MICAL2: variants seen among roughly 807,000 people sequenced by gnomAD.
MICAL2 encodes microtubule associated monooxygenase, calponin and LIM domain containing 2, also known as [F-actin]-monooxygenase MICAL2.
In MICAL2, 77 loss-of-function variants were observed where a neutral mutation model predicts 127.3. The observed-to-expected ratio is 0.60, with a 90% CI of 0.50 to 0.73. The LOEUF is 0.73. Among genes scored for constraint, MICAL2 ranks in the 30% least tolerant of loss-of-function variants. MICAL2 has a pLI of 0.00. For synonymous variants in MICAL2, 570 were observed against 551.1 expected (o/e 1.03, Z -0.48); for missense variants, 1,351 against 1,434.4 (o/e 0.94, Z 0.94).
At chr11:12,195,753 AG>A (rs1170331814) in intron 3 of MICAL2, among the ~76,000 whole-genome samples, 1 of 148,786 alleles carries the variant, frequency 6.7e-6, no homozygotes, top group Non-Finnish European at 1.5e-5. Context: ...ATATTTTTAG[AG>A]GAAGAGTGTT....
chr11:12,340,136 C>T (rs1474093713), intron 32 of MICAL2, among the ~76,000 whole-genome samples: 1 of 152,130 alleles, frequency 6.6e-6, no homozygotes, highest in African/African-American at 2.4e-5. Context: ...AGACGGTCAA[C>T]TGTGTTTGCA....
chr11:12,268,978 G>A lies in MICAL2; in HGVS notation c.3335-7008G>A, dbSNP rs1490564484. Among the ~76,000 whole-genome samples, 8 of 152,166 alleles carry A rather than the reference G, an allele frequency of 5.3e-5. 1 individual carries two copies. The East Asian group carries it at 9.7e-4, about 18-fold the overall frequency. On this transcript the variant is annotated intron_variant, in intron 24 of 34. Coordinates refer to the MICAL2 transcript ENST00000646065. ...TGTGCCACTGCACTCCAGCCTCGGC[G>A]ACGAGCGAGACTCCGTCTCAAAGGA...
At chr11:12,228,539 G>T (rs940558994) in intron 15 of MICAL2, among the ~76,000 whole-genome samples, 1 of 152,214 alleles carries the variant, frequency 6.6e-6, no homozygotes, top group African/African-American at 2.4e-5. Context: ...GAAGATAGAT[G>T]CTGGGAAGAT....
At chr11:12,334,887 A>G (rs951100326) in intron 32 of MICAL2, among the ~76,000 whole-genome samples, 2 of 151,990 alleles carry the variant, frequency 1.3e-5, no homozygotes, top group African/African-American at 4.8e-5. Context: ...AGTCTTGGCT[A>G]TTGTGAATAG....
At chr11:12,190,125 G>A (rs1015912761) in intron 3 of MICAL2, among the ~76,000 whole-genome samples, 1 of 152,212 alleles carries the variant, frequency 6.6e-6, no homozygotes, top group Admixed American at 6.5e-5. Context: ...GCAGCTGCAA[G>A]TTGACTCAAA....
At position 12,311,551 on chromosome 11, in the gene MICAL2, C is replaced by T. The variant is rs540655877; in HGVS notation, c.5213-8145C>T. Among the ~76,000 whole-genome samples the T allele has an allele frequency of 1.2e-4, 19 of 152,206 alleles. No individual in the cohort carries two copies. In the East Asian group the frequency reaches 2.5e-3, roughly 20 times the overall value. On this transcript the variant is annotated intron_variant, in intron 29 of 34. Coordinates refer to the MICAL2 transcript ENST00000646065. ...CTTAGCCTCCAGAGTAGCTGGCACA[C>T]GCCACCACACCGGCTAATTTTTGTA... is the stretch of plus-strand genomic sequence containing the variant.
Position 12,331,109 on chromosome 11 carries a change from AG to A in MICAL2, c.5515+3845del, listed in dbSNP as rs1295536250. 3.3e-5 allele frequency among the ~76,000 whole-genome samples: 5 copies of A among 152,178 alleles called. No homozygotes were observed. In the East Asian group the frequency reaches 9.7e-4, roughly 29 times the overall value. ...CAGCCACTTAGACTCTTATTGGTTGAGGCACTGTTACCTACTGGCTTGTTGC... is the reference window on the plus strand; with the variant it reads ...CAGCCACTTAGACTCTTATTGGTTGAGCACTGTTACCTACTGGCTTGTTGC... On this transcript the variant is annotated intron_variant, in intron 32 of 34. Coordinates refer to the MICAL2 transcript ENST00000646065.
chr11:12,155,106 C>T (rs1406478064), intron 2 of MICAL2, among the ~76,000 whole-genome samples: 1 of 152,200 alleles, frequency 6.6e-6, no homozygotes, highest in Non-Finnish European at 1.5e-5. Context: ...AAGCTGAGGG[C>T]TGGGCTTGAA....
chr11:12,314,388 A>G (rs1044505880), intron 29 of MICAL2, among the ~76,000 whole-genome samples: 2 of 152,094 alleles, frequency 1.3e-5, no homozygotes, highest in Non-Finnish European at 2.9e-5. Context: ...GCTGTTACCC[A>G]AGAGACTATA....
intron 1 of MICAL2, among the ~76,000 whole-genome samples, chr11:12,122,985 C>G (rs1439684637): frequency 1.3e-5 from 2 of 152,126 alleles, no homozygotes; most frequent in Non-Finnish European, 2.9e-5. Flanking sequence ...AGTTCTTCCC[C>G]TTGGGTGCCA....
chr11:12,340,694 T>G (rs1474955330), intron 32 of MICAL2, among the ~76,000 whole-genome samples: 1 of 152,200 alleles, frequency 6.6e-6, no homozygotes, highest in African/African-American at 2.4e-5. Context: ...GAATGTTATA[T>G]ATACAGCAGT....
intron 2 of MICAL2, among the ~76,000 whole-genome samples, chr11:12,152,389 G>A (rs1158978028): frequency 6.6e-6 from 1 of 151,420 alleles, no homozygotes; most frequent in African/African-American, 2.4e-5. Context: ...AGACAGTAGT[G>A]CTTGTGTGCC....
exon 30 of MICAL2, chr11:12,319,758 T>C (rs1864271930): frequency 6.2e-7 from 1 of 1,613,370 alleles, no homozygotes; most frequent in East Asian, 2.2e-5. Flanking sequence ...CTCTTCAACC[T>C]CCTCCTCCTC....
At chr11:12,215,483 G>A (rs948203146) in intron 7 of MICAL2, among the ~76,000 whole-genome samples, 2 of 152,190 alleles carry the variant, frequency 1.3e-5, no homozygotes, top group Non-Finnish European at 2.9e-5. Context: ...AAAGCACAGC[G>A]TGCTGGCCCT....
At chr11:12,285,057 G>A (rs1863810299) in intron 2 of MICAL2, among the ~76,000 whole-genome samples, 1 of 152,188 alleles carries the variant, frequency 6.6e-6, no homozygotes, top group Non-Finnish European at 1.5e-5. Flanking sequence ...TGAAAACTCG[G>A]GGATCAGGAT....
chr11:12,333,150 G>C (rs543202779), intron 32 of MICAL2, among the ~76,000 whole-genome samples: 2 of 151,920 alleles, frequency 1.3e-5, no homozygotes, highest in African/African-American at 2.4e-5. Context: ...AAATGGAAAG[G>C]GCAGATGCAA....
At position 12,110,973 on chromosome 11, in the gene MICAL2, C is replaced by A. The variant is rs896123382; in HGVS notation, c.-149+247C>A. Among the ~76,000 whole-genome samples the A allele has an allele frequency of 6.6e-6, 1 of 152,192 alleles. No individual in the cohort carries two copies. Among genetic ancestry groups the A allele is most frequent in the African/African-American group, 2.4e-5 (1 of 41,454 alleles). On this transcript the variant is annotated intron_variant, in intron 1 of 27. Transcript: ENST00000683283. This position sits in a 1 kb window ranked among gnomAD's most constrained non-coding sequence, Gnocchi z 4.5. ...ACGCAATAAAAGCCTCCCACCGGCA[C>A]GCCGAACTACCTCTTACTCCGCTCC...
chr11:12,140,543 C>A (rs1024155492), intron 2 of MICAL2, among the ~76,000 whole-genome samples: 14 of 150,148 alleles, frequency 9.3e-5, no homozygotes, highest in African/African-American at 2.7e-4. Flanking sequence ...AGTGGACCCT[C>A]TTTGGCAGCA....
intron 29 of MICAL2, among the ~76,000 whole-genome samples, chr11:12,298,407 C>T (rs1024341408): frequency 6.6e-6 from 1 of 151,982 alleles, no homozygotes; most frequent in Non-Finnish European, 1.5e-5. Flanking sequence ...CTGAGTTCCC[C>T]CCATATATAC....
Sources: allele counts gnomAD v4.1 joint callset (sites outside exome capture counted in the v4.1 genomes callset), GRCh38; gene constraint gnomAD v4.1.1; non-coding constraint Gnocchi (gnomAD v3.1); transcripts MANE v1.5; gene names NCBI Gene and HGNC (gene_info 2026-07-23, HGNC 2026-07-21).